Variants in EYA2 observed in about 807,000 individuals in gnomAD.
The protein encoded by EYA2 is EYA transcriptional coactivator and phosphatase 2.
A neutral mutation model predicts 69.2 loss-of-function variants in EYA2; 31 were observed. The ratio of observed to expected loss-of-function variants is 0.45; its 90% CI spans 0.34 to 0.60. The LOEUF is 0.60. Among genes scored for constraint, EYA2 ranks in the 20% least tolerant of loss-of-function variants. The pLI, the probability that EYA2 is intolerant of heterozygous loss-of-function variation, is 0.02. For synonymous variants in EYA2, 257 were observed against 279.4 expected (o/e 0.92, Z 0.80); for missense variants, 622 against 701.2 (o/e 0.89, Z 1.28).
At chr20:46,977,446 A>G (rs532130772) in intron 1 of EYA2, among the ~76,000 whole-genome samples, 6 of 152,340 alleles carry the variant, frequency 3.9e-5, no homozygotes, top group East Asian at 3.9e-4. Context: ...TGAAATGCCA[A>G]CTTCAGGAGA....
At chr20:46,976,853 G>T (rs1209771727) in intron 1 of EYA2, among the ~76,000 whole-genome samples, 4 of 152,130 alleles carry the variant, frequency 2.6e-5, no homozygotes, top group Non-Finnish European at 5.9e-5. Context: ...TTTTTCCTTG[G>T]GGTATCACTT....
intron 7 of EYA2, among the ~76,000 whole-genome samples, chr20:47,078,846 C>G (rs755655938): frequency 6.6e-6 from 1 of 152,184 alleles, no homozygotes; most frequent in Non-Finnish European, 1.5e-5. Context: ...TGGGAAGGCT[C>G]TTCCGTGTAA....
intron 1 of EYA2, among the ~76,000 whole-genome samples, chr20:46,966,742 G>A (rs529038271): frequency 7.2e-5 from 11 of 151,950 alleles, no homozygotes; most frequent in East Asian, 3.9e-4. Context: ...CCTGGGAGGC[G>A]GACCTTGCAG....
chr20:46,930,411 T>G (rs1024240541), intron 1 of EYA2, among the ~76,000 whole-genome samples: 7 of 152,212 alleles, frequency 4.6e-5, no homozygotes, highest in African/African-American at 1.7e-4. Context: ...AGTTACTTAC[T>G]TTGCTGTGCA....
At chr20:46,973,777 G>A (rs13043269) in intron 1 of EYA2, among the ~76,000 whole-genome samples, 56,715 of 150,128 alleles carry the variant, frequency 0.38, 11,729 homozygotes, top group Non-Finnish European at 0.46. Flanking sequence ...CTATGAAGCC[G>A]TCTGACCAAA....
chr20:46,919,283 TCTC>T (rs1293735749), intron 1 of EYA2, among the ~76,000 whole-genome samples: 1 of 152,242 alleles, frequency 6.6e-6, no homozygotes, highest in South Asian at 2.1e-4. Flanking sequence ...ACCATTGACT[TCTC>T]CTCTCTAGCT....
intron 5 of EYA2, among the ~76,000 whole-genome samples, chr20:47,027,190 TG>T (rs966943621): frequency 8.5e-5 from 13 of 152,246 alleles, no homozygotes; most frequent in African/African-American, 2.9e-4. Context: ...TGGAGCCCAG[TG>T]GCCTCCTCAT....
chr20:46,937,627 G>GCACA (rs1371187730), intron 1 of EYA2, among the ~76,000 whole-genome samples: 2 of 149,514 alleles, frequency 1.3e-5, no homozygotes, highest in Non-Finnish European at 3.0e-5. Flanking sequence ...AGAGTCCAAT[G>GCACA]CACACATTTC....
intron 1 of EYA2, among the ~76,000 whole-genome samples, chr20:46,925,920 TAATAGAG>T: frequency 8.3e-6 from 1 of 120,106 alleles, no homozygotes; most frequent in East Asian, 6.8e-4. Flanking sequence ...TGCTCACAGA[TAATAGAG>T]AATTGGTCAC....
intron 9 of EYA2, among the ~76,000 whole-genome samples, chr20:47,131,665 AAG>A (rs1264773165): frequency 2.0e-5 from 3 of 152,204 alleles, no homozygotes; most frequent in Admixed American, 2.0e-4. Flanking sequence ...TGACATGAGG[AAG>A]GGGCCATGAG....
rs940541947 is a variant in EYA2, at chr20:47,117,459, G to A, written c.888+20291G>A. Reference sequence around the variant, plus strand: ...CATGACCTGATCTCCACAGCTCCTCGACCGGCTCCTCTGCCCTCTCCGTTC... The same window carrying A: ...CATGACCTGATCTCCACAGCTCCTCAACCGGCTCCTCTGCCCTCTCCGTTC... On this transcript the variant is annotated intron_variant, in intron 9 of 15. Transcript: ENST00000327619. 15 of 985,120 alleles carry A rather than the reference G, an allele frequency of 1.5e-5. 1 individual carries two copies. The South Asian group carries it at 1.9e-4, about 12-fold the overall frequency. 61.0% of individuals were successfully genotyped at this position (985,120 alleles called of 1,614,324 possible).
chr20:47,105,256 G>A (rs1418696786), intron 9 of EYA2, among the ~76,000 whole-genome samples: 3 of 152,108 alleles, frequency 2.0e-5, no homozygotes, highest in African/African-American at 4.8e-5. Flanking sequence ...TTTTAACATA[G>A]CCTTTGCACT....
chr20:46,912,071 A>G (rs1202304753), intron 1 of EYA2, among the ~76,000 whole-genome samples: 1 of 152,220 alleles, frequency 6.6e-6, no homozygotes, highest in Non-Finnish European at 1.5e-5. Flanking sequence ...ATTGTTATGT[A>G]TCAATAAATA....
chr20:47,156,127 C>CAT (rs752111640), intron 10 of EYA2, among the ~76,000 whole-genome samples: 14 of 14,658 alleles, frequency 9.6e-4, no homozygotes, highest in East Asian at 3.0e-3. Context: ...CACACACACA[C>CAT]ATATATATAT....
intron 5 of EYA2, among the ~76,000 whole-genome samples, chr20:47,018,534 A>T (rs1170940581): frequency 6.6e-6 from 1 of 152,216 alleles, no homozygotes; most frequent in African/African-American, 2.4e-5. Context: ...GGTGATCGGC[A>T]TTCAGCAGGT....
At chr20:46,931,769 C>T (rs773545000) in intron 1 of EYA2, among the ~76,000 whole-genome samples, 2 of 152,134 alleles carry the variant, frequency 1.3e-5, no homozygotes, top group Non-Finnish European at 2.9e-5. Flanking sequence ...TTTTCGCTGA[C>T]CACTGAGCAA....
At chr20:46,899,020 C>G (rs542866373) in intron 1 of EYA2, among the ~76,000 whole-genome samples, 1 of 152,318 alleles carries the variant, frequency 6.6e-6, no homozygotes, top group South Asian at 2.1e-4. Flanking sequence ...ACCAGGCCTG[C>G]AGTCAGCTCT....
At chr20:46,950,688 G>A (rs563208741) in intron 1 of EYA2, among the ~76,000 whole-genome samples, 2 of 152,338 alleles carry the variant, frequency 1.3e-5, no homozygotes, top group African/African-American at 4.8e-5. Flanking sequence ...GCAGAGTCTG[G>A]AGTAGTTTGG....
At chr20:46,913,347 G>A (rs1379476670) in intron 1 of EYA2, among the ~76,000 whole-genome samples, 1 of 152,140 alleles carries the variant, frequency 6.6e-6, no homozygotes, top group African/African-American at 2.4e-5. Context: ...CTGAGTGAGA[G>A]GAGAGGGGCA....
Sources: allele counts gnomAD v4.1 joint callset (sites outside exome capture counted in the v4.1 genomes callset), GRCh38; gene constraint gnomAD v4.1.1; transcripts MANE v1.5; gene names NCBI Gene and HGNC (gene_info 2026-07-23, HGNC 2026-07-21).